The following CSMD1 variants were observed in gnomAD, a reference collection of about 807,000 sequenced individuals.
CSMD1 encodes the protein CUB and Sushi multiple domains 1.
In CSMD1, 213 loss-of-function variants were observed where a neutral mutation model predicts 417.5. That is an observed-to-expected ratio of 0.51 (90% CI 0.46 to 0.57). CSMD1 has a LOEUF of 0.57. CSMD1 is among the 20% of genes least tolerant of loss of function. The pLI is 0.00. For missense variants in CSMD1, 6,923 were observed against 4,529.7 expected (o/e 1.53, Z -15.17); for synonymous variants, 2,862 against 1,736.8 (o/e 1.65, Z -16.11).
chr8:4,812,761 G>C (rs775800205), intron 1 of CSMD1, among the ~76,000 whole-genome samples: 2 of 152,114 alleles, frequency 1.3e-5, no homozygotes, highest in East Asian at 1.9e-4. Context: ...AAAAGACCTT[G>C]AGTTTGTGTT....
chr8:3,053,104 G>A (rs1249859838), intron 49 of CSMD1, among the ~76,000 whole-genome samples: 1 of 152,042 alleles, frequency 6.6e-6, no homozygotes, highest in South Asian at 2.1e-4. Flanking sequence ...CTAGGGTATG[G>A]GATAAGTATA....
At chr8:4,346,929 A>G (rs1251242708) in intron 3 of CSMD1, among the ~76,000 whole-genome samples, 1 of 152,118 alleles carries the variant, frequency 6.6e-6, no homozygotes, top group Non-Finnish European at 1.5e-5. Context: ...TCAAATACTA[A>G]TTTGAAAGTG....
rs544583149 is a variant in CSMD1 at position 4,050,195 on chromosome 8, G to C, written c.416-18096C>G. Among the ~76,000 whole-genome samples the C allele has an allele frequency of 3.9e-5, 6 of 152,188 alleles. No individual in the cohort carries two copies. The South Asian group carries it at 8.3e-4, about 21-fold the overall frequency. ...GGACTTCCACTCTGGATGTTGACTT[G>C]ATCACTTGGCTAGGGTCGTGTTTGT... On this transcript the variant is annotated intron_variant, in intron 3 of 69. Transcript: ENST00000635120.
intron 67 of CSMD1, 31 bp from the exon 68 acceptor site, chr8:2,949,417 A>AGAAAAG: frequency 5.0e-5 from 11 of 221,890 alleles, no homozygotes; most frequent in Non-Finnish European, 7.5e-5. Flanking sequence ...GAAAAGAAAT[A>AGAAAAG]AAAAGGTATA....
intron 10 of CSMD1, among the ~76,000 whole-genome samples, chr8:3,495,104 T>C (rs556006961): frequency 1.3e-5 from 2 of 152,260 alleles, no homozygotes; most frequent in South Asian, 4.1e-4. Flanking sequence ...ATGAATACAT[T>C]ATTTTAGCAA....
At chr8:4,894,851 G>C (rs915283321) in intron 1 of CSMD1, among the ~76,000 whole-genome samples, 1 of 152,018 alleles carries the variant, frequency 6.6e-6, no homozygotes, top group Non-Finnish European at 1.5e-5. Context: ...TTTTATTAAG[G>C]TTCTCTGTGT....
Position 3,052,455 on chromosome 8 carries a change from C to A in CSMD1, c.7660+7G>T. 1.9e-6 allele frequency: 3 copies of A among 1,561,358 alleles called. No homozygotes were observed. Among genetic ancestry groups the A allele is most frequent in the Non-Finnish European group, 2.6e-6 (3 of 1,152,044 alleles). ...ACAAAGATGGGCAGATGCCCCTGAACACTTACGCTTACACGTGGGCGGCTT... is the reference window on the plus strand; with the variant it reads ...ACAAAGATGGGCAGATGCCCCTGAAAACTTACGCTTACACGTGGGCGGCTT... On this transcript the variant is annotated splice_region_variant and intron_variant, in intron 50 of 69. Coordinates refer to ENST00000635120, the MANE Select transcript of CSMD1 (RefSeq NM_033225.6).
At chr8:3,753,590 C>T (rs1234533833) in intron 6 of CSMD1, among the ~76,000 whole-genome samples, 1 of 152,118 alleles carries the variant, frequency 6.6e-6, no homozygotes, top group Non-Finnish European at 1.5e-5. Context: ...CTATAGCATG[C>T]TTAACATGAA....
At chr8:3,335,954 G>C (rs908198133) in intron 23 of CSMD1, among the ~76,000 whole-genome samples, 1 of 152,158 alleles carries the variant, frequency 6.6e-6, no homozygotes, top group Admixed American at 6.5e-5. Flanking sequence ...CCCAGCGCTT[G>C]TAGATTTTTA....
chr8:3,684,542 G>A (rs11786876), intron 7 of CSMD1, among the ~76,000 whole-genome samples: 2,496 of 150,308 alleles, frequency 0.017, 40 homozygotes, highest in South Asian at 0.064. Flanking sequence ...GAAACAAATG[G>A]CACTGTCTTT....
At chr8:3,296,286 C>T (rs1387488110) in intron 25 of CSMD1, among the ~76,000 whole-genome samples, 3 of 151,544 alleles carry the variant, frequency 2.0e-5, no homozygotes, top group Non-Finnish European at 4.4e-5. Context: ...TTCAGCCAAG[C>T]AGAAGCCCCA....
intron 4 of CSMD1, among the ~76,000 whole-genome samples, chr8:4,028,903 T>C (rs905549937): frequency 9.9e-5 from 15 of 152,220 alleles, no homozygotes; most frequent in Non-Finnish European, 1.5e-4. Context: ...AGTTGAAGTA[T>C]GCTCTTTTCT....
At chr8:3,198,207 T>G (rs932469818) in intron 33 of CSMD1, among the ~76,000 whole-genome samples, 1 of 152,216 alleles carries the variant, frequency 6.6e-6, no homozygotes, top group South Asian at 2.1e-4. Flanking sequence ...ATATATTGTC[T>G]GATGATGGGA....
chr8:4,180,789 A>G (rs1489031330), intron 3 of CSMD1, among the ~76,000 whole-genome samples: 1 of 152,122 alleles, frequency 6.6e-6, no homozygotes, highest in Non-Finnish European at 1.5e-5. Flanking sequence ...TAATATCTGT[A>G]TGTCTTTGGT....
chr8:3,512,630 C>T (rs1390307902), intron 10 of CSMD1, among the ~76,000 whole-genome samples: 5 of 134,820 alleles, frequency 3.7e-5, no homozygotes, highest in African/African-American at 5.7e-5. Flanking sequence ...AAGACAGAGT[C>T]TTGCTTTGTC....
At chr8:4,587,683 C>T (rs1400179265) in intron 2 of CSMD1, among the ~76,000 whole-genome samples, 3 of 152,126 alleles carry the variant, frequency 2.0e-5, no homozygotes, top group Admixed American at 2.0e-4. Flanking sequence ...TATGCCTTCA[C>T]TAGGTACTGG....
At chr8:4,968,840 G>C (rs1462051725) in intron 1 of CSMD1, among the ~76,000 whole-genome samples, 2 of 152,082 alleles carry the variant, frequency 1.3e-5, no homozygotes, top group Non-Finnish European at 2.9e-5. Flanking sequence ...CAGAAGATTA[G>C]GATCTACTGC....
chr8:3,506,702 G>C (rs929854665), intron 10 of CSMD1, among the ~76,000 whole-genome samples: 1 of 152,174 alleles, frequency 6.6e-6, no homozygotes, highest in Non-Finnish European at 1.5e-5. Context: ...GTGTCATGAA[G>C]ATAAAAGAAA....
At chr8:3,671,533 A>C in intron 7 of CSMD1, among the ~76,000 whole-genome samples, 1 of 7,100 alleles carries the variant, frequency 1.4e-4, no homozygotes, top group African/African-American at 7.6e-4. Context: ...ATGATCATAT[A>C]TATATATATA....
Sources: allele counts gnomAD v4.1 joint callset (sites outside exome capture counted in the v4.1 genomes callset), GRCh38; gene constraint gnomAD v4.1.1; transcripts MANE v1.5; gene names NCBI Gene and HGNC (gene_info 2026-07-23, HGNC 2026-07-21).